TMEM8B: variants seen among roughly 807,000 people sequenced by gnomAD.
TMEM8B encodes nasopharyngeal carcinoma expressed 6.
A neutral mutation model predicts 49.3 loss-of-function variants in TMEM8B; 29 were observed. That is an observed-to-expected ratio of 0.59 (90% CI 0.44 to 0.80). The LOEUF is 0.80. TMEM8B is among the 30% of genes least tolerant of loss of function. The pLI is 0.00. For missense variants in TMEM8B, 575 were observed against 658.5 expected, an observed-to-expected ratio of 0.87 and a Z score of 1.39; for synonymous variants, 264 against 272.8, an observed-to-expected ratio of 0.97 and a Z score of 0.32.
At chr9:35,851,156 G>C (rs1024022576) in intron 10 of TMEM8B, among the ~76,000 whole-genome samples, 3 of 151,864 alleles carry the variant, frequency 2.0e-5, no homozygotes, top group Non-Finnish European at 4.4e-5. Flanking sequence ...TGTCACCCAG[G>C]GCAGAGTGCA....
At chr9:35,833,262 C>T (rs573980416) in intron 1 of TMEM8B, 1 of 974,134 alleles carries the variant, frequency 1.0e-6, no homozygotes, top group African/African-American at 1.8e-5. Context: ...GAAAATGCCC[C>T]TCCAGAGTAG....
chr9:35,841,614 C>T lies in TMEM8B; in HGVS notation c.1129C>T (p.Arg377Cys), dbSNP rs1025949651. ...RGVSACPLSL[R>C]LRPKAPPLHN... is the part of the protein sequence containing the mutation. ...GGTATCTGCCTGCCCCCTGTCACTG[C>T]GTCTGCGTCCCAAAGCCCCACCCCT... Residue 377 changes from arginine (R) to cysteine (C), a missense_variant, in exon 5 of 13, where the codon CGT (arginine) becomes TGT (cysteine). Transcript: ENST00000643932. The surrounding 1 kb of genome is among the most constrained non-coding windows in gnomAD (Gnocchi z 5.9). 3.1e-5 allele frequency: 13 copies of T among 416,232 alleles called. No homozygotes were observed. The highest frequency in any genetic ancestry group is 1.2e-4 in the South Asian group (1 of 8,020). The allele number at this position is 416,232 out of a possible 1,614,324, so 25.8% of individuals were successfully genotyped here. A position where few individuals can be genotyped will look rare whatever the true frequency, so the allele number is the denominator to read the frequency against.
At chr9:35,850,224 C>T (rs925775474) in intron 10 of TMEM8B, among the ~76,000 whole-genome samples, 5 of 152,120 alleles carry the variant, frequency 3.3e-5, no homozygotes, top group Admixed American at 1.3e-4. Flanking sequence ...GCATTAGATG[C>T]ACTGTTACAA....
Position 35,839,468 on chromosome 9 carries a change from C to T in TMEM8B, c.907-1666C>T, listed in dbSNP as rs143993993. Among the ~76,000 whole-genome samples the T allele has an allele frequency of 4.7e-3, 721 of 152,298 alleles. 8 individuals carry two copies. The highest frequency in any genetic ancestry group is 0.016 in the African/African-American group (680 of 41,554). ...GACGGTTCCCTGCATCTTCCCTGGT[C>T]TCCACTGACTAAACACTCCCTCTGC... On this transcript the variant is annotated intron_variant, in intron 3 of 12. Coordinates refer to ENST00000643932, the MANE Select transcript of TMEM8B (RefSeq NM_001042590.4).
intron 10 of TMEM8B, among the ~76,000 whole-genome samples, chr9:35,851,761 C>T (rs1380948243): frequency 2.6e-5 from 4 of 152,168 alleles, no homozygotes; most frequent in Non-Finnish European, 4.4e-5. Flanking sequence ...CCCAGGTTTT[C>T]GTCTTCATTT....
At position 35,846,026 on chromosome 9, in the gene TMEM8B, G is replaced by A; in HGVS notation, c.1687G>A (p.Val563Met). The change falls in exon 7 of 13, where the codon GTG becomes ATG. Residue 563 changes from valine (V) to methionine (M), a missense_variant. Val to Met is a conservative substitution (Grantham distance 21). Transcript: ENST00000643932. ...GGTGTTTGGATGCTTGACTCACGAG[G>A]TGCCCTTGAGCCTGGGGGATGCAGC... ...VTVFGCLTHE[V>M]PLSLGDAAVT... is the part of the protein sequence containing the mutation. The A allele has an allele frequency of 6.2e-7, 1 of 1,613,984 alleles. No individual in the cohort carries two copies. Among genetic ancestry groups the A allele is most frequent in the Non-Finnish European group, 8.5e-7 (1 of 1,180,004 alleles).
intron 1 of TMEM8B, among the ~76,000 whole-genome samples, chr9:35,830,650 A>G (rs1160029317): frequency 9.8e-6 from 1 of 101,758 alleles, no homozygotes; most frequent in Admixed American, 9.8e-5. Flanking sequence ...ATTTCATACT[A>G]GTGTGTTTTT....
chr9:35,831,625 T>C (rs1038059039), intron 1 of TMEM8B, among the ~76,000 whole-genome samples: 2 of 152,228 alleles, frequency 1.3e-5, no homozygotes, highest in African/African-American at 4.8e-5. Context: ...GCTTCCATCC[T>C]CTGCCATCAT....
chr9:35,845,693 C>G, intron 6 of TMEM8B: 1 of 985,456 alleles, frequency 1.0e-6, no homozygotes, highest in Non-Finnish European at 1.2e-6. Flanking sequence ...AGGGTGTTCT[C>G]TCTTGCTTGG....
intron 10 of TMEM8B, chr9:35,847,214 A>G (rs773418283): frequency 6.0e-6 from 9 of 1,491,678 alleles, no homozygotes; most frequent in African/African-American, 1.4e-5. Flanking sequence ...TTGCAACTTA[A>G]TAAAGTAAGT....
In TMEM8B at chr9:35,846,576, A is replaced by G; in HGVS notation, c.1961A>G (p.His654Arg). 1 of 1,573,070 alleles carries G rather than the reference A, an allele frequency of 6.4e-7. No individual in the cohort carries two copies. The highest frequency in any genetic ancestry group is 1.4e-5 in the African/African-American group (1 of 74,018). ...PYGQCKLLRTHNYLYAACECK... is the reference protein window; with the variant it reads ...PYGQCKLLRTRNYLYAACECK... ...GGCCAGTGCAAGCTGCTGCGCACAC[A>G]CAATTATCTGTACGCAGCCTGCGAG... The change falls in exon 9 of 13, where the codon CAC becomes CGC. Residue 654 changes from histidine to arginine, a missense_variant. Transcript: ENST00000643932.
intron 3 of TMEM8B, among the ~76,000 whole-genome samples, chr9:35,836,490 C>G (rs1277104859): frequency 2.6e-5 from 4 of 152,238 alleles, no homozygotes; most frequent in Non-Finnish European, 4.4e-5. Flanking sequence ...AAGCCTGGCT[C>G]TAGTTATCCA....
At chr9:35,845,286 C>A in intron 6 of TMEM8B, 1 of 596,388 alleles carries the variant, frequency 1.7e-6, no homozygotes, top group South Asian at 7.5e-5. Flanking sequence ...ACCTTAGGGA[C>A]AGACTTTATT....
At chr9:35,830,828 T>G (rs1166878116) in intron 1 of TMEM8B, among the ~76,000 whole-genome samples, 1 of 152,196 alleles carries the variant, frequency 6.6e-6, no homozygotes, top group African/African-American at 2.4e-5. Context: ...GGAAGTGACT[T>G]GGACAGAAGA....
intron 10 of TMEM8B, among the ~76,000 whole-genome samples, chr9:35,848,164 G>T (rs1052494587): frequency 6.6e-6 from 1 of 152,224 alleles, no homozygotes; most frequent in Non-Finnish European, 1.5e-5. Flanking sequence ...TCCTCCTGGA[G>T]ATTCATCCAG....
intron 6 of TMEM8B, among the ~76,000 whole-genome samples, chr9:35,843,786 G>A (rs899286667): frequency 5.9e-5 from 9 of 151,588 alleles, no homozygotes; most frequent in Non-Finnish European, 2.9e-5. Context: ...TTTTTGAGAC[G>A]GAGTCTCACT....
rs546471087 is a variant in TMEM8B at position 35,832,439 on chromosome 9, C to G, written c.509-2022C>G. Among the ~76,000 whole-genome samples the G allele has an allele frequency of 5.3e-5, 8 of 152,182 alleles. 1 individual carries two copies. Among genetic ancestry groups the G allele is most frequent in the Admixed American group, 5.2e-4 (8 of 15,292 alleles). On this transcript the variant is annotated intron_variant, in intron 1 of 12. Coordinates refer to ENST00000643932, the MANE Select transcript of TMEM8B (RefSeq NM_001042590.4). Reference sequence around the variant, plus strand: ...TTCTTCCAAGTTCCTCCTAGCATTCCCAGCTGCTGCTCACTCCTTTATCTC... The same window carrying G: ...TTCTTCCAAGTTCCTCCTAGCATTCGCAGCTGCTGCTCACTCCTTTATCTC...
In TMEM8B at chr9:35,842,419, C is replaced by T; in HGVS notation, c.1337C>T (p.Ala446Val). 1 of 1,545,002 alleles carries T rather than the reference C, an allele frequency of 6.5e-7. No homozygotes were observed. The highest frequency in any genetic ancestry group is 1.2e-5 in the South Asian group (1 of 80,020). The change falls in exon 6 of 13, where the codon GCC becomes GTC. Residue 446 changes from alanine (A) to valine (V), a missense_variant. Transcript: ENST00000643932. This position sits in a 1 kb window ranked among gnomAD's most constrained non-coding sequence, Gnocchi z 5.6. ...QECPQPGLLR[A>V]LVPGAAMNMP... ...TGCCCACAGCCCGGCCTGCTCCGAGCCCTGGTCCCTGGAGCTGCCATGAAC... is the reference window on the plus strand; with the variant it reads ...TGCCCACAGCCCGGCCTGCTCCGAGTCCTGGTCCCTGGAGCTGCCATGAAC...
At chr9:35,831,952 C>G (rs1242155537) in intron 1 of TMEM8B, among the ~76,000 whole-genome samples, 1 of 152,142 alleles carries the variant, frequency 6.6e-6, no homozygotes, top group African/African-American at 2.4e-5. Flanking sequence ...ACCATCATGG[C>G]ACAGGGCTGC....
Sources: gnomAD v4.1 joint callset for allele counts (sites outside exome capture counted in the v4.1 genomes callset) on GRCh38, gnomAD v4.1.1 for gene constraint, Gnocchi (gnomAD v3.1) non-coding constraint, MANE v1.5 for transcripts, NCBI Gene and HGNC (gene_info 2026-07-23, HGNC 2026-07-21) for gene names.